CCDC171: variants seen among roughly 807,000 people sequenced by gnomAD.
CCDC171 encodes the protein coiled-coil domain-containing protein 171.
In CCDC171, 177 loss-of-function variants were observed where a neutral mutation model predicts 168.2. That is an observed-to-expected ratio of 1.05 (90% CI 0.93 to 1.19). The LOEUF (loss-of-function observed/expected upper bound fraction) is 1.19. CCDC171 is among the 50% of genes most tolerant of loss of function. The pLI is 0.00. For synonymous variants in CCDC171, 687 were observed against 540.8 expected, an observed-to-expected ratio of 1.27 and a Z score of -3.75; for missense variants, 1,991 against 1,539.0, an observed-to-expected ratio of 1.29 and a Z score of -4.91.
intron 1 of CCDC171, among the ~76,000 whole-genome samples, chr9:16,059,869 A>G (rs1259917936): frequency 2.0e-5 from 3 of 151,968 alleles, no homozygotes; most frequent in East Asian, 1.9e-4. Flanking sequence ...TGAGTGAGTC[A>G]GTATTACCCA....
intron 1 of CCDC171, among the ~76,000 whole-genome samples, chr9:16,046,158 T>C (rs1833655801): frequency 6.6e-6 from 1 of 152,180 alleles, no homozygotes. Flanking sequence ...GTGTTCACTA[T>C]GGGTTGGTGA....
intron 6 of CCDC171, among the ~76,000 whole-genome samples, chr9:16,027,608 T>G (rs10756735): frequency 0.36 from 54,453 of 152,094 alleles, 12,164 homozygotes; most frequent in East Asian, 0.63. Flanking sequence ...TTTTCAGGAC[T>G]GAGTATTGCA....
At chr9:15,704,239 A>T (rs2133925624) in intron 11 of CCDC171, among the ~76,000 whole-genome samples, 1 of 152,344 alleles carries the variant, frequency 6.6e-6, no homozygotes, top group African/African-American at 2.4e-5. Flanking sequence ...AAATTAATTC[A>T]TTAATCAAGT....
At chr9:15,716,144 G>A (rs2053069651) in intron 11 of CCDC171, among the ~76,000 whole-genome samples, 1 of 152,028 alleles carries the variant, frequency 6.6e-6, no homozygotes, top group Admixed American at 6.6e-5. Flanking sequence ...TTTTTTCTAT[G>A]AATTTGACCA....
chr9:15,728,019 A>T lies in CCDC171; in HGVS notation c.1843A>T (p.Asn615Tyr). 6.2e-7 allele frequency: 1 copy of T among 1,612,226 alleles called. No homozygotes were observed. Among genetic ancestry groups the T allele is most frequent in the South Asian group, 1.1e-5 (1 of 90,696 alleles). Residue 615 changes from asparagine (N) to tyrosine (Y), a missense_variant, in exon 15 of 26, where the codon AAC (asparagine) becomes TAC (tyrosine). Asn to Tyr is a moderately radical substitution (Grantham distance 143, BLOSUM62 -2). Transcript: ENST00000380701. ...ENVDALIADLNRANEKIRHLE... is the reference protein window; with the variant it reads ...ENVDALIADLYRANEKIRHLE... ...TGTTGATGCCCTGATTGCAGACCTCAACAGGGCTAATGAGAAGGTAACTGT... is the reference window on the plus strand; with the variant it reads ...TGTTGATGCCCTGATTGCAGACCTCTACAGGGCTAATGAGAAGGTAACTGT...
chr9:15,574,718 C>A (rs1415768460), intron 3 of CCDC171, among the ~76,000 whole-genome samples: 1 of 152,172 alleles, frequency 6.6e-6, no homozygotes, highest in Non-Finnish European at 1.5e-5. Flanking sequence ...GCCATATTTG[C>A]CTTATCAGGT....
At chr9:15,759,899 T>A (rs2056350815) in intron 18 of CCDC171, among the ~76,000 whole-genome samples, 1 of 152,208 alleles carries the variant, frequency 6.6e-6, no homozygotes, top group Admixed American at 6.5e-5. Context: ...ATTTTCATCA[T>A]AGGACAGGTA....
chr9:15,841,801 G>C (rs2060691585), intron 21 of CCDC171, among the ~76,000 whole-genome samples: 1 of 151,590 alleles, frequency 6.6e-6, no homozygotes, highest in Admixed American at 6.6e-5. Context: ...TTCCTAACTT[G>C]CTTACCCGGC....
At chr9:15,822,837 A>G (rs1296484523) in intron 21 of CCDC171, among the ~76,000 whole-genome samples, 3 of 152,182 alleles carry the variant, frequency 2.0e-5, no homozygotes, top group African/African-American at 7.2e-5. Flanking sequence ...ATTGCTGGGT[A>G]TATACCCAAA....
intron 23 of CCDC171, among the ~76,000 whole-genome samples, chr9:15,870,555 C>T (rs1037557584): frequency 2.0e-5 from 3 of 151,920 alleles, no homozygotes; most frequent in Non-Finnish European, 2.9e-5. Context: ...TATACATCTT[C>T]TTACATGTGT....
intron 3 of CCDC171, among the ~76,000 whole-genome samples, chr9:15,993,963 A>G (rs1239500141): frequency 1.3e-5 from 2 of 152,214 alleles, no homozygotes; most frequent in Admixed American, 1.3e-4. Context: ...TTGTGGAGAA[A>G]TAGGAACACT....
chr9:15,771,874 C>A (rs2057031066), intron 18 of CCDC171, among the ~76,000 whole-genome samples: 1 of 152,160 alleles, frequency 6.6e-6, no homozygotes. Flanking sequence ...GTCTCTGTTG[C>A]CCAGGCTGGA....
At chr9:16,087,378 G>A in the CCDC171 span, among the ~76,000 whole-genome samples, 1 of 151,982 alleles carries the variant, frequency 6.6e-6, no homozygotes, top group Non-Finnish European at 1.5e-5. Flanking sequence ...TCTCTTTGTA[G>A]GTCTCTAAGA....
chr9:16,001,173 A>C (rs1832532121), intron 3 of CCDC171, among the ~76,000 whole-genome samples: 1 of 152,222 alleles, frequency 6.6e-6, no homozygotes, highest in Non-Finnish European at 1.5e-5. Flanking sequence ...GATAGGAACC[A>C]ACTGACAGGA....
chr9:15,617,127 G>A (rs1389338494), intron 6 of CCDC171, among the ~76,000 whole-genome samples: 1 of 152,170 alleles, frequency 6.6e-6, no homozygotes, highest in Non-Finnish European at 1.5e-5. Flanking sequence ...TTTGCATTGT[G>A]TTAGAACATG....
intron 4 of CCDC171, among the ~76,000 whole-genome samples, chr9:15,587,997 G>A (rs1026621898): frequency 1.3e-5 from 2 of 152,192 alleles, no homozygotes; most frequent in Non-Finnish European, 2.9e-5. Flanking sequence ...AGCACTTTGG[G>A]AGGCCGAGGC....
At position 15,729,739 on chromosome 9, in the gene CCDC171, A is replaced by G. The variant is rs866017791; in HGVS notation, c.1990A>G (p.Lys664Glu). 2 of 1,613,488 alleles carry G rather than the reference A, an allele frequency of 1.2e-6. No individual in the cohort carries two copies. The highest frequency in any genetic ancestry group is 1.7e-4 in the Middle Eastern group (1 of 6,054). The part of the protein sequence containing the change: ...KAQESCWHRQ[K>E]KELELQYSEL... Reference sequence around the variant, plus strand: ...CCAAGAGAGCTGCTGGCACAGACAAAAGAAGGAACTAGAGCTGCAGTATTC... The same window carrying G: ...CCAAGAGAGCTGCTGGCACAGACAAGAGAAGGAACTAGAGCTGCAGTATTC... The change falls in exon 16 of 26, where the codon AAG becomes GAG. Residue 664 changes from lysine (K) to glutamate (E), a missense_variant. Physicochemically the swap from Lys to Glu is moderately conservative, Grantham distance 56. Transcript: ENST00000380701.
intron 7 of CCDC171, 62 bp downstream of exon 7, chr9:15,623,475 G>GCA (rs1554714957): frequency 0.015 from 4,664 of 314,762 alleles, 42 homozygotes; most frequent in South Asian, 0.037. Flanking sequence ...GCGCGCGCGC[G>GCA]CACACACACA....
At chr9:15,758,415 A>G (rs895415776) in intron 18 of CCDC171, among the ~76,000 whole-genome samples, 1 of 152,158 alleles carries the variant, frequency 6.6e-6, no homozygotes, top group Non-Finnish European at 1.5e-5. Flanking sequence ...TATTTACCCA[A>G]TGCCTGTACC....
Sources: allele counts gnomAD v4.1 joint callset (sites outside exome capture counted in the v4.1 genomes callset), GRCh38; gene constraint gnomAD v4.1.1; transcripts MANE v1.5; gene names NCBI Gene and HGNC (gene_info 2026-07-23, HGNC 2026-07-21).